The following CCDC60 variants were observed in gnomAD, a reference collection of about 807,000 sequenced individuals.
CCDC60 encodes the protein coiled-coil domain containing 60, also known as coiled-coil domain-containing protein 60.
Under a neutral mutation model 63.5 loss-of-function variants are expected in CCDC60, and 54 were observed. The ratio of observed to expected loss-of-function variants is 0.85; its 90% CI spans 0.68 to 1.07. CCDC60 has a LOEUF of 1.07. Ranked by LOEUF, CCDC60 falls within the 50% of genes least tolerant of loss-of-function variation. The probability of loss-of-function intolerance (pLI) is 0.00; values close to 1 mark genes in which losing one functional copy is unlikely to be tolerated. For missense variants in CCDC60, 651 were observed against 684.3 expected (o/e 0.95, Z 0.54); for synonymous variants, 206 against 238.8 (o/e 0.86, Z 1.27).
chr12:119,443,935 A>G (rs886600836), intron 2 of CCDC60, among the ~76,000 whole-genome samples: 9 of 152,228 alleles, frequency 5.9e-5, no homozygotes, highest in African/African-American at 1.4e-4. Flanking sequence ...TACCTGGCAC[A>G]CAGATGACAT....
At chr12:119,364,134 G>A (rs1023789414) in intron 1 of CCDC60, among the ~76,000 whole-genome samples, 18 of 152,070 alleles carry the variant, frequency 1.2e-4, no homozygotes, top group South Asian at 6.2e-4. Context: ...TTTCGAGCTA[G>A]GATATTTGCT....
chr12:119,539,519 G>A (rs544791116), intron 13 of CCDC60, among the ~76,000 whole-genome samples: 9 of 152,120 alleles, frequency 5.9e-5, no homozygotes, highest in South Asian at 4.1e-4. Flanking sequence ...CCATAATGGC[G>A]GACGTCCCTC....
At chr12:119,531,831 T>C (rs1196859211) in intron 13 of CCDC60, among the ~76,000 whole-genome samples, 1 of 152,242 alleles carries the variant, frequency 6.6e-6, no homozygotes, top group Non-Finnish European at 1.5e-5. Flanking sequence ...AAGAAGTTCC[T>C]GGTGTTTGTC....
intron 1 of CCDC60, among the ~76,000 whole-genome samples, chr12:119,355,480 AATTC>A (rs1240077113): frequency 6.6e-6 from 1 of 152,188 alleles, no homozygotes; most frequent in African/African-American, 2.4e-5. Context: ...ATGATCTTTG[AATTC>A]ATTCATTTAT....
chr12:119,440,338 G>A (rs933059115), intron 2 of CCDC60, among the ~76,000 whole-genome samples: 24 of 152,138 alleles, frequency 1.6e-4, no homozygotes, highest in Non-Finnish European at 3.2e-4. Context: ...AGACCATCCT[G>A]CCTAACACGG....
At position 119,335,264 on chromosome 12, in the gene CCDC60, C is replaced by T. The variant is rs775350482; in HGVS notation, c.88C>T (p.Gln30Ter). Residue 30 changes from glutamine (Q) to a stop codon, truncating the protein, a stop_gained and splice_region_variant, in exon 1 of 14, where the codon CAG (glutamine) becomes TAG (stop). Transcript: ENST00000327554. LOFTEE classifies it high-confidence loss of function. ...CTTTTATGCCTCGGAGAACCTAAGG[C>T]AGGTAAGTCTCCCCTCTGCTGAAAC... is the stretch of plus-strand genomic sequence containing the variant. ...RPFYASENLRQVPDKPMKSIK... is the reference protein window; with the variant it reads ...RPFYASENLR The T allele has an allele frequency of 6.3e-7, 1 of 1,595,618 alleles. No homozygotes were observed. The highest frequency in any genetic ancestry group is 1.1e-5 in the South Asian group (1 of 88,088).
intron 2 of CCDC60, among the ~76,000 whole-genome samples, chr12:119,450,692 A>T (rs1950613815): frequency 1.3e-5 from 2 of 152,152 alleles, no homozygotes; most frequent in African/African-American, 2.4e-5. Context: ...CCCCACCTCT[A>T]CTAAAAATAC....
intron 2 of CCDC60, among the ~76,000 whole-genome samples, chr12:119,431,504 G>A (rs191492853): frequency 6.6e-6 from 1 of 152,324 alleles, no homozygotes; most frequent in Admixed American, 6.5e-5. Flanking sequence ...GGTTTAGGGA[G>A]GGTCAGAATC....
chr12:119,443,874 A>G (rs1013236810), intron 2 of CCDC60, among the ~76,000 whole-genome samples: 5 of 152,200 alleles, frequency 3.3e-5, no homozygotes, highest in African/African-American at 1.2e-4. Context: ...AATGGGGACA[A>G]TAATAAAGTC....
intron 4 of CCDC60, among the ~76,000 whole-genome samples, chr12:119,484,440 G>T (rs1951392162): frequency 6.6e-6 from 1 of 151,950 alleles, no homozygotes; most frequent in Admixed American, 6.6e-5. Context: ...TCAAGTACAG[G>T]TGCAGTGGCT....
Position 119,335,190 on chromosome 12 carries a change from C to T in CCDC60, c.14C>T (p.Pro5Leu). Residue 5 changes from proline (P) to leucine (L), a missense_variant, in exon 1 of 14, where the codon CCA (proline) becomes CTA (leucine). Physicochemically the swap from Pro to Leu is moderately conservative, Grantham distance 98 (BLOSUM62 -3). Coordinates refer to ENST00000327554, the MANE Select transcript of CCDC60 (RefSeq NM_178499.5). ...AGGATTTTTAAGATGACCAAGGTTC[C>T]AGCCACCAAGAAGCTTCAGAGTTCC... Reference protein sequence around the residue: MTKVPATKKLQSSPN... With the variant: MTKVLATKKLQSSPN... 1.2e-6 allele frequency: 2 copies of T among 1,606,698 alleles called. No homozygotes were observed. Among genetic ancestry groups the T allele is most frequent in the Non-Finnish European group, 1.7e-6 (2 of 1,177,126 alleles).
At chr12:119,395,442 A>C (rs1956235031) in intron 1 of CCDC60, among the ~76,000 whole-genome samples, 1 of 152,298 alleles carries the variant, frequency 6.6e-6, no homozygotes, top group African/African-American at 2.4e-5. Context: ...CGTCTTACCA[A>C]ATGGGGAAGA....
intron 5 of CCDC60, among the ~76,000 whole-genome samples, chr12:119,493,327 C>T (rs921638652): frequency 3.9e-5 from 6 of 152,044 alleles, no homozygotes; most frequent in African/African-American, 9.7e-5. Context: ...GGAAGAAAGT[C>T]GGAGTGGTTC....
At chr12:119,356,171 C>T (rs1338935060) in intron 1 of CCDC60, among the ~76,000 whole-genome samples, 2 of 152,318 alleles carry the variant, frequency 1.3e-5, no homozygotes, top group East Asian at 1.9e-4. Flanking sequence ...TAAGTTTCCA[C>T]TCATTCTTAA....
intron 1 of CCDC60, among the ~76,000 whole-genome samples, chr12:119,396,461 G>A (rs1485878895): frequency 6.6e-6 from 1 of 152,134 alleles, no homozygotes; most frequent in Non-Finnish European, 1.5e-5. Flanking sequence ...CAAAAGAGGA[G>A]GAATGGGTCA....
intron 2 of CCDC60, among the ~76,000 whole-genome samples, chr12:119,442,628 A>G (rs750324027): frequency 6.6e-6 from 1 of 152,248 alleles, no homozygotes; most frequent in Non-Finnish European, 1.5e-5. Flanking sequence ...GTTTAAAACC[A>G]TAACGAAAAT....
In CCDC60 at chr12:119,360,084, G is replaced by T. The variant is rs1476541826; in HGVS notation, c.90+24818G>T. On this transcript the variant is annotated intron_variant, in intron 1 of 13. Coordinates refer to ENST00000327554, the MANE Select transcript of CCDC60 (RefSeq NM_178499.5). ...AGACGGGGTGGTGGCCGGGCAGAGG[G>T]GCTCCTCACTTCCCAGTAGGGGCGG... Among the ~76,000 whole-genome samples, 64 of 151,834 alleles carry T rather than the reference G, an allele frequency of 4.2e-4. No individual in the cohort carries two copies. The East Asian group carries it at 9.2e-3, about 22-fold the overall frequency.
chr12:119,376,280 G>A (rs1320454420), intron 1 of CCDC60, among the ~76,000 whole-genome samples: 1 of 152,152 alleles, frequency 6.6e-6, no homozygotes, highest in African/African-American at 2.4e-5. Flanking sequence ...TGATCACTTT[G>A]ATCCCTCCTG....
At position 119,407,070 on chromosome 12, in the gene CCDC60, C is replaced by T. The variant is rs185834650; in HGVS notation, c.91-21613C>T. ...TGCCAGTGGGGTCAGCAGAGAACAC[C>T]GAGGGGACATCCAGGGCCATAGGGG... On this transcript the variant is annotated intron_variant, in intron 1 of 13. Coordinates refer to ENST00000327554, the MANE Select transcript of CCDC60 (RefSeq NM_178499.5). Among the ~76,000 whole-genome samples the T allele has an allele frequency of 2.0e-5, 3 of 152,214 alleles. No homozygotes were observed. In the East Asian group the frequency reaches 5.8e-4, roughly 29 times the overall value.
Sources: allele counts gnomAD v4.1 joint callset (sites outside exome capture counted in the v4.1 genomes callset), GRCh38; gene constraint gnomAD v4.1.1; transcripts MANE v1.5; gene names NCBI Gene and HGNC (gene_info 2026-07-23, HGNC 2026-07-21).